GDA: variants seen among roughly 807,000 people sequenced by gnomAD.
GDA encodes cytoplasmic PSD-95 interactor.
In GDA, 18 loss-of-function variants were observed where a neutral mutation model predicts 59.6. The observed-to-expected ratio is 0.30, with a 90% CI of 0.21 to 0.45. GDA has a LOEUF of 0.45. Ranked by LOEUF, GDA falls within the 20% of genes least tolerant of loss-of-function variation. The pLI, the probability that GDA is intolerant of heterozygous loss-of-function variation, is 1.00. For synonymous variants in GDA, 201 were observed against 201.1 expected, an observed-to-expected ratio of 1.00 and a Z score of 0.00; for missense variants, 427 against 552.3, an observed-to-expected ratio of 0.77 and a Z score of 2.27.
intron 1 of GDA, among the ~76,000 whole-genome samples, chr9:72,166,599 C>T (rs1460056572): frequency 6.6e-6 from 1 of 152,132 alleles, no homozygotes; most frequent in Non-Finnish European, 1.5e-5. Flanking sequence ...TTGATCATTA[C>T]ATATTCTATG....
chr9:72,246,463 T>A (rs1840151298), intron 12 of GDA, among the ~76,000 whole-genome samples: 1 of 152,172 alleles, frequency 6.6e-6, no homozygotes, highest in African/African-American at 2.4e-5. Context: ...AATATAAATT[T>A]TATGTGACAT....
upstream of GDA, among the ~76,000 whole-genome samples, chr9:72,148,710 C>T (rs768822879): frequency 5.7e-4 from 86 of 152,128 alleles, 2 homozygotes; most frequent in Non-Finnish European, 4.6e-4. Flanking sequence ...GCTCCATTTT[C>T]ATAAGTGGGG....
intron 5 of GDA, among the ~76,000 whole-genome samples, chr9:72,216,233 C>T (rs909459542): frequency 6.6e-6 from 1 of 152,168 alleles, no homozygotes; most frequent in African/African-American, 2.4e-5. Context: ...TGAGCTAAAA[C>T]ATTGCAGAAC....
At chr9:72,204,991 A>C (rs1318432232) in intron 3 of GDA, among the ~76,000 whole-genome samples, 2 of 151,960 alleles carry the variant, frequency 1.3e-5, no homozygotes, top group African/African-American at 4.8e-5. Context: ...ATGTGCCTGT[A>C]ATCTCAGCTA....
chr9:72,122,724 A>G (rs1825705966), intron 1 of GDA, among the ~76,000 whole-genome samples: 2 of 152,126 alleles, frequency 1.3e-5, no homozygotes, highest in South Asian at 4.2e-4. Context: ...TTTCCATCCA[A>G]CTTTACAGTC....
upstream of GDA, among the ~76,000 whole-genome samples, chr9:72,144,793 A>T (rs912260662): frequency 7.9e-5 from 12 of 152,080 alleles, no homozygotes; most frequent in African/African-American, 2.9e-4. Context: ...GAAAATGGAG[A>T]TCATTATGAT....
intron 3 of GDA, among the ~76,000 whole-genome samples, chr9:72,205,253 T>C (rs180815590): frequency 1.3e-5 from 2 of 152,128 alleles, no homozygotes; most frequent in African/African-American, 4.8e-5. Flanking sequence ...GGTGTGGAGA[T>C]GTGTTAACTA....
intron 1 of GDA, among the ~76,000 whole-genome samples, chr9:72,182,780 A>G (rs571192076): frequency 6.6e-6 from 1 of 152,288 alleles, no homozygotes; most frequent in South Asian, 2.1e-4. Flanking sequence ...TTCCACATAT[A>G]TTAGTTGGTA....
chr9:72,213,359 A>G (rs1332888647), intron 4 of GDA, among the ~76,000 whole-genome samples: 2 of 152,172 alleles, frequency 1.3e-5, no homozygotes, highest in East Asian at 1.9e-4. Flanking sequence ...AAAGTGATGA[A>G]TAGAAAAACT....
chr9:72,115,057 TACC>T (rs1280186956), intron 1 of GDA, among the ~76,000 whole-genome samples: 4 of 152,176 alleles, frequency 2.6e-5, no homozygotes, highest in Non-Finnish European at 5.9e-5. Flanking sequence ...GTGTATGATC[TACC>T]GGGAGGAGCA....
At chr9:72,139,186 A>C (rs4745170) in intron 1 of GDA, among the ~76,000 whole-genome samples, 24,072 of 152,118 alleles carry the variant, frequency 0.16, 2,565 homozygotes, top group East Asian at 0.53. Flanking sequence ...TGTTCGAACC[A>C]AGCATTTTGG....
At chr9:72,221,324 A>G (rs1836835721) in intron 6 of GDA, among the ~76,000 whole-genome samples, 2 of 152,180 alleles carry the variant, frequency 1.3e-5, no homozygotes, top group South Asian at 4.1e-4. Flanking sequence ...TCAGAGCCTT[A>G]ATGTGGTGGC....
downstream of GDA, chr9:72,257,226 T>C (rs1840896647): frequency 6.6e-6 from 1 of 152,224 alleles, no homozygotes; most frequent in African/African-American, 2.4e-5. Flanking sequence ...GAGTAGCCCC[T>C]GCATGGGTGA....
intron 2 of GDA, among the ~76,000 whole-genome samples, chr9:72,198,716 G>A (rs1005634849): frequency 1.3e-5 from 2 of 151,698 alleles, no homozygotes; most frequent in Admixed American, 6.6e-5. Flanking sequence ...GGCTGATGAT[G>A]GTGATGATGG....
intron 1 of GDA, among the ~76,000 whole-genome samples, chr9:72,159,316 A>C (rs4745175): frequency 0.76 from 114,924 of 151,988 alleles, 43,502 homozygotes; most frequent in Middle Eastern, 0.8. Flanking sequence ...ACTGCTTGAA[A>C]CCAGGAGGTG....
chr9:72,139,660 T>TAA (rs113296189), intron 1 of GDA, among the ~76,000 whole-genome samples: 5 of 151,124 alleles, frequency 3.3e-5, no homozygotes, highest in African/African-American at 1.2e-4. Flanking sequence ...TCGCCTCTAA[T>TAA]AAAAAAAAAT....
chr9:72,212,996 C>T (rs1689016251), intron 4 of GDA, among the ~76,000 whole-genome samples: 1 of 152,132 alleles, frequency 6.6e-6, no homozygotes, highest in South Asian at 2.1e-4. Context: ...CCCAGCCAAG[C>T]ACAGTGGCTC....
At chr9:72,208,104 A>G (rs1434446962) in intron 3 of GDA, among the ~76,000 whole-genome samples, 6 of 142,246 alleles carry the variant, frequency 4.2e-5, no homozygotes, top group Admixed American at 3.5e-4. Context: ...CTCAAAAAAC[A>G]AAACCCAAAA....
intron 3 of GDA, among the ~76,000 whole-genome samples, chr9:72,210,381 C>T (rs756288257): frequency 1.3e-5 from 2 of 152,054 alleles, no homozygotes; most frequent in African/African-American, 4.8e-5. Flanking sequence ...CTCCCAGATG[C>T]AATAAAATTT....
Sources: allele counts gnomAD v4.1 joint callset (sites outside exome capture counted in the v4.1 genomes callset), GRCh38; gene constraint gnomAD v4.1.1; transcripts MANE v1.5; gene names NCBI Gene and HGNC (gene_info 2026-07-23, HGNC 2026-07-21).